The following KMT2C variants were observed in gnomAD, a reference collection of about 807,000 sequenced individuals.
The protein encoded by KMT2C is lysine methyltransferase 2C.
A neutral mutation model predicts 507.9 loss-of-function variants in KMT2C; 88 were observed. The observed-to-expected ratio is 0.17, with a 90% confidence interval of 0.15 to 0.21. The LOEUF is 0.21. Among genes scored for constraint, KMT2C ranks in the 10% least tolerant of loss-of-function variants. The pLI is 1.00. For synonymous variants in KMT2C, 2,049 were observed against 2,080.8 expected (o/e 0.98, Z 0.42); for missense variants, 4,954 against 5,957.8 (o/e 0.83, Z 5.55).
chr7:152,389,497 C>A (rs1218095797), intron 1 of KMT2C, among the ~76,000 whole-genome samples: 1 of 151,084 alleles, frequency 6.6e-6, no homozygotes, highest in African/African-American at 2.4e-5. Context: ...TTTTTAAATA[C>A]CTGGTGGAGT....
chr7:152,199,206 C>T (rs2094056418), intron 27 of KMT2C, 73 bp downstream of exon 27: 3 of 1,273,022 alleles, frequency 2.4e-6, no homozygotes, highest in Non-Finnish European at 3.2e-6. Flanking sequence ...AAAAACATTT[C>T]AAAAAGATTT....
chr7:152,410,543 A>C lies in KMT2C; in HGVS notation c.161+25083T>G, dbSNP rs577772322. ...CAGTGAGCCGAGACAGCGCCACTGC[A>C]CTCCAGCCTGGGCGACAGAGCAAGA... is the stretch of plus-strand genomic sequence containing the variant. On this transcript the variant is annotated intron_variant, in intron 1 of 58. Coordinates refer to ENST00000262189, the MANE Select transcript of KMT2C (RefSeq NM_170606.3). Among the ~76,000 whole-genome samples the C allele has an allele frequency of 1.1e-4, 17 of 152,234 alleles. No individual in the cohort carries two copies. In the East Asian group the frequency reaches 3.1e-3, roughly 28 times the overall value.
chr7:152,309,254 T>G (rs2096648078), intron 6 of KMT2C, among the ~76,000 whole-genome samples: 1 of 152,010 alleles, frequency 6.6e-6, no homozygotes, highest in African/African-American at 2.4e-5. Flanking sequence ...AAACTACTTA[T>G]TTTAAAAGAT....
intron 23 of KMT2C, among the ~76,000 whole-genome samples, chr7:152,217,381 T>C (rs1373930949): frequency 6.6e-6 from 1 of 152,216 alleles, no homozygotes; most frequent in Non-Finnish European, 1.5e-5. Context: ...ACTGAATTTT[T>C]AAAAGGGATT....
At position 152,199,377 on chromosome 7, in the gene KMT2C, T is replaced by A. The variant is rs2129133065; in HGVS notation, c.4175A>T (p.Gln1392Leu). 1 of 1,604,768 alleles carries A rather than the reference T, an allele frequency of 6.2e-7. No homozygotes were observed. Among genetic ancestry groups the A allele is most frequent in the Non-Finnish European group, 8.5e-7 (1 of 1,176,638 alleles). Residue 1392 changes from glutamine to leucine, a missense_variant, in exon 27 of 59, where the codon CAG becomes CTG. Physicochemically the swap from Gln to Leu is moderately radical, Grantham distance 113 (BLOSUM62 -2). This residue lies in a region of KMT2C where 140 missense variants were observed against 118.4 expected (regional missense o/e 1.18). Transcript: ENST00000262189. ...GTTCATGTTTGTTTTATATAAAAGC[T>A]GAGCTCCATCTTCTGACAGATTATC... The part of the protein sequence containing the change: ...SLDNLSEDGA[Q>L]LLYKTNMNTG...
chr7:152,408,824 A>T (rs2116650535), intron 1 of KMT2C, among the ~76,000 whole-genome samples: 1 of 152,016 alleles, frequency 6.6e-6, no homozygotes, highest in Non-Finnish European at 1.5e-5. Flanking sequence ...TAAAAAAAAA[A>T]AAAAAAAAAA....
chr7:152,269,275 T>C (rs7810954), intron 7 of KMT2C, among the ~76,000 whole-genome samples: 1,628 of 152,292 alleles, frequency 0.011, 40 homozygotes, highest in African/African-American at 0.038. Flanking sequence ...AAGAAAAACA[T>C]CCATGTAATA....
intron 23 of KMT2C, among the ~76,000 whole-genome samples, chr7:152,213,466 G>A (rs2094500957): frequency 1.3e-5 from 2 of 152,254 alleles, no homozygotes; most frequent in Non-Finnish European, 2.9e-5. Context: ...ATAGGGAAAA[G>A]ATGGTGTCTT....
intron 6 of KMT2C, among the ~76,000 whole-genome samples, chr7:152,296,766 A>G (rs1192761696): frequency 3.3e-5 from 5 of 152,046 alleles, no homozygotes; most frequent in African/African-American, 1.2e-4. Flanking sequence ...AGTTACTTGC[A>G]TAATACTTCT....
At chr7:152,386,003 G>A (rs1374464946) in intron 1 of KMT2C, among the ~76,000 whole-genome samples, 1 of 151,684 alleles carries the variant, frequency 6.6e-6, no homozygotes, top group East Asian at 1.9e-4. Context: ...CAGGAGAAGT[G>A]CTTGAACCTG....
chr7:152,408,364 T>C (rs2116647059), intron 1 of KMT2C, among the ~76,000 whole-genome samples: 1 of 152,352 alleles, frequency 6.6e-6, no homozygotes, highest in East Asian at 1.9e-4. Flanking sequence ...ATACTATACA[T>C]ATGTCTACTT....
intron 1 of KMT2C, among the ~76,000 whole-genome samples, chr7:152,365,412 G>A (rs2097234163): frequency 6.6e-6 from 1 of 152,210 alleles, no homozygotes; most frequent in African/African-American, 2.4e-5. Context: ...TGGAGGCTGA[G>A]GCAGAATTGC....
intron 33 of KMT2C, 142 bp downstream of exon 33, chr7:152,187,120 C>CT (rs1251775813): frequency 1.5e-6 from 1 of 653,410 alleles, no homozygotes; most frequent in African/African-American, 1.8e-5. Context: ...CAAGATGTTT[C>CT]TAGACATCTA....
At chr7:152,351,355 T>C (rs1432480466) in intron 2 of KMT2C, among the ~76,000 whole-genome samples, 1 of 152,188 alleles carries the variant, frequency 6.6e-6, no homozygotes. Flanking sequence ...CACAAACATG[T>C]GAGTAATGCA....
At position 152,203,051 on chromosome 7, in the gene KMT2C, C is replaced by G. The variant is rs2129135740; in HGVS notation, c.3975G>C (p.Gln1325His). The G allele has an allele frequency of 8.7e-6, 14 of 1,609,008 alleles. No individual in the cohort carries two copies. The highest frequency in any genetic ancestry group is 1.3e-5 in the African/African-American group (1 of 74,750). ...ATTCATCAACTAAAGTATCTGGTAA[C>G]TGCTCACTCCAGCCTGAAACAACAG... is the stretch of plus-strand genomic sequence containing the variant. Reference protein sequence around the residue: ...LPCRDDGWSEQLPDTLVDESV... With the variant: ...LPCRDDGWSEHLPDTLVDESV... Residue 1325 changes from glutamine to histidine, a missense_variant, in exon 26 of 59, where the codon CAG (glutamine) becomes CAC (histidine). Physicochemically the swap from Gln to His is conservative, Grantham distance 24. This residue lies in a region of KMT2C where 176 missense variants were observed against 262.0 expected (regional missense o/e 0.67). Transcript: ENST00000262189.
chr7:152,426,983 G>A (rs1564217620), intron 1 of KMT2C, among the ~76,000 whole-genome samples: 1 of 152,084 alleles, frequency 6.6e-6, no homozygotes, highest in East Asian at 1.9e-4. Flanking sequence ...AATGTATACT[G>A]AAAGAATATA....
chr7:152,277,973 A>G lies in KMT2C; in HGVS notation c.850-4106T>C, dbSNP rs573868522. ...ATATTACTACAGACTTCATTTATGT[A>G]TGTGTGTGTGTGTACACATATATAA... On this transcript the variant is annotated intron_variant, in intron 6 of 58. Transcript: ENST00000262189. Among the ~76,000 whole-genome samples, 22 of 152,072 alleles carry G rather than the reference A, an allele frequency of 1.4e-4. No homozygotes were observed. The South Asian group carries it at 4.4e-3, about 30-fold the overall frequency.
chr7:152,399,444 GGA>G (rs1485957159), intron 1 of KMT2C, among the ~76,000 whole-genome samples: 1 of 152,062 alleles, frequency 6.6e-6, no homozygotes, highest in African/African-American at 2.4e-5. Context: ...CTGGAGTCTG[GGA>G]GAGAGGAAAC....
chr7:152,368,140 G>C, intron 1 of KMT2C: 1 of 934,126 alleles, frequency 1.1e-6, no homozygotes, highest in Non-Finnish European at 1.8e-6. Context: ...AAGGGTCAAA[G>C]GAAGGCAGTA....
Sources: gnomAD v4.1 joint callset for allele counts (sites outside exome capture counted in the v4.1 genomes callset) on GRCh38, gnomAD v4.1.1 for gene constraint, gnomAD v4.1.1 regional missense constraint, MANE v1.5 for transcripts, NCBI Gene and HGNC (gene_info 2026-07-23, HGNC 2026-07-21) for gene names.